The following DST variants were observed in gnomAD, a reference collection of about 807,000 sequenced individuals.
DST encodes dystonin.
A neutral mutation model predicts 875.2 loss-of-function variants in DST; 253 were observed. The ratio of observed to expected loss-of-function variants is 0.29; its 90% CI spans 0.26 to 0.32. The LOEUF (loss-of-function observed/expected upper bound fraction) is 0.32, where lower values mean the gene tolerates loss of function less well. DST is among the 10% of genes least tolerant of loss of function. The probability of loss-of-function intolerance (pLI) is 1.00; values close to 1 mark genes in which losing one functional copy is unlikely to be tolerated. For missense variants in DST, 8,287 were observed against 9,111.6 expected, an observed-to-expected ratio of 0.91 and a Z score of 3.68; for synonymous variants, 3,124 against 3,197.1, an observed-to-expected ratio of 0.98 and a Z score of 0.77.
intron 4 of DST, among the ~76,000 whole-genome samples, chr6:56,829,861 T>C (rs2099785020): frequency 6.6e-6 from 1 of 152,154 alleles, no homozygotes; most frequent in African/African-American, 2.4e-5. Context: ...TTGGCAATCA[T>C]TCATTTTCAT....
chr6:56,661,135 T>A (rs1423230849), intron 10 of DST, among the ~76,000 whole-genome samples: 2 of 151,964 alleles, frequency 1.3e-5, no homozygotes, highest in African/African-American at 4.8e-5. Flanking sequence ...TAAGGATAAA[T>A]ACACCCTCCC....
chr6:56,693,080 A>T, intron 9 of DST: 2 of 1,289,596 alleles, frequency 1.6e-6, no homozygotes, highest in Non-Finnish European at 2.0e-6. Context: ...TCAGGGTTCA[A>T]AGGAGTTTTG....
At chr6:56,624,440 G>A in intron 36 of DST, 90 bp downstream of exon 36, 1 of 830,828 alleles carries the variant, frequency 1.2e-6, no homozygotes, top group Admixed American at 1.7e-5. Context: ...AATTTATCAT[G>A]AAACATGTTT....
intron 4 of DST, among the ~76,000 whole-genome samples, chr6:56,800,711 CAAAAA>C (rs777455635): frequency 3.0e-4 from 46 of 151,542 alleles, no homozygotes; most frequent in Admixed American, 1.3e-4. Context: ...AAAATAAAAA[CAAAAA>C]AAATAAAAAC....
chr6:56,661,298 CAGAT>C (rs150053096), intron 10 of DST, among the ~76,000 whole-genome samples: 4,467 of 152,140 alleles, frequency 0.029, 79 homozygotes, highest in Non-Finnish European at 0.041. Context: ...CAAAGAAAAA[CAGAT>C]AGAGTTACAT....
intron 4 of DST, among the ~76,000 whole-genome samples, chr6:56,793,631 G>A (rs1158967013): frequency 6.6e-6 from 1 of 152,062 alleles, no homozygotes; most frequent in Non-Finnish European, 1.5e-5. Context: ...TTTTAATCTG[G>A]CTTTTTCTTA....
chr6:56,462,914 T>C lies in DST; in HGVS notation c.23070+132A>G, dbSNP rs575030016. 2.4e-5 allele frequency: 12 copies of C among 492,222 alleles called. No individual in the cohort carries two copies. The East Asian group carries it at 3.8e-4, about 16-fold the overall frequency. The allele number at this position is 492,222 out of a possible 1,614,324, so 30.5% of individuals were successfully genotyped here. On this transcript the variant is annotated intron_variant, in intron 102 of 103. Transcript: ENST00000680361. Reference sequence around the variant, plus strand: ...CCAAGAACTGCTCGGTTGATACTTATCTTATAGAAGTGTATAAAAAGACAT... The same window carrying C: ...CCAAGAACTGCTCGGTTGATACTTACCTTATAGAAGTGTATAAAAAGACAT...
At chr6:56,650,419 A>G (rs1222401693) in intron 12 of DST, among the ~76,000 whole-genome samples, 3 of 151,664 alleles carry the variant, frequency 2.0e-5, no homozygotes, top group East Asian at 3.9e-4. Context: ...GCTATGTGTC[A>G]GAGACCTTTC....
intron 4 of DST, among the ~76,000 whole-genome samples, chr6:56,799,606 T>C (rs2099744386): frequency 6.6e-6 from 1 of 151,572 alleles, no homozygotes. Context: ...AGGACATTTT[T>C]GTGTTTTTTG....
rs201943982 is a variant in DST, at chr6:56,817,245, CTAA to C, written c.625+34149_625+34151del. 9.1e-3 allele frequency among the ~76,000 whole-genome samples: 1,392 copies of C among 152,168 alleles called. 18 individuals are homozygous for C. The highest frequency in any genetic ancestry group is 0.031 in the African/African-American group (1,279 of 41,494). Reference sequence around the variant, plus strand: ...TGTCTCTTCAGGTAACCTTACTGATCTAATATTATAATTTTCTTAAATGAACAA... The same window carrying C: ...TGTCTCTTCAGGTAACCTTACTGATCTATTATAATTTTCTTAAATGAACAA... On this transcript the variant is annotated intron_variant, in intron 4 of 103. Transcript: ENST00000680361.
chr6:56,668,530 TA>T (rs2099083385), intron 10 of DST, among the ~76,000 whole-genome samples: 1 of 151,858 alleles, frequency 6.6e-6, no homozygotes, highest in African/African-American at 2.4e-5. Context: ...TCACCTGAGG[TA>T]AGGAGTTCAA....
chr6:56,577,068 T>A (rs996550847), intron 50 of DST, among the ~76,000 whole-genome samples: 1 of 152,218 alleles, frequency 6.6e-6, no homozygotes, highest in Admixed American at 6.5e-5. Flanking sequence ...GTTATTTTTT[T>A]AAATCATTGG....
At chr6:56,944,776 C>A (rs553055752) in intron 2 of DST, among the ~76,000 whole-genome samples, 3 of 152,332 alleles carry the variant, frequency 2.0e-5, no homozygotes, top group African/African-American at 7.2e-5. Context: ...CCTACCTCTA[C>A]TACAGACACT....
chr6:56,702,571 A>G (rs1403598936), intron 7 of DST, among the ~76,000 whole-genome samples: 1 of 152,218 alleles, frequency 6.6e-6, no homozygotes, highest in Non-Finnish European at 1.5e-5. Flanking sequence ...CTTTTTCACA[A>G]AAGTGGACAC....
At chr6:56,943,634 T>C (rs1817881652) in intron 2 of DST, among the ~76,000 whole-genome samples, 1 of 151,786 alleles carries the variant, frequency 6.6e-6, no homozygotes, top group Non-Finnish European at 1.5e-5. Context: ...GGTTTCTCTA[T>C]GTTGGTCAGG....
At chr6:56,723,426 T>A (rs948506766) in intron 5 of DST, among the ~76,000 whole-genome samples, 1 of 152,058 alleles carries the variant, frequency 6.6e-6, no homozygotes, top group African/African-American at 2.4e-5. Flanking sequence ...TAGCCGGGCG[T>A]GTTGGTGCAT....
chr6:56,591,186 A>C (rs1159658700), intron 49 of DST, among the ~76,000 whole-genome samples: 1 of 152,248 alleles, frequency 6.6e-6, no homozygotes, highest in Non-Finnish European at 1.5e-5. Context: ...TTTTAAAATA[A>C]GTTTTACATT....
intron 4 of DST, among the ~76,000 whole-genome samples, chr6:56,814,754 T>C (rs1561977228): frequency 6.6e-6 from 1 of 152,236 alleles, no homozygotes; most frequent in East Asian, 1.9e-4. Context: ...TCTAGAGGTA[T>C]ACTTCGTCAA....
intron 61 of DST, among the ~76,000 whole-genome samples, chr6:56,549,390 C>G (rs1281948258): frequency 6.6e-6 from 1 of 152,142 alleles, no homozygotes; most frequent in Admixed American, 6.5e-5. Flanking sequence ...TCACTCAATA[C>G]AAATCATTCC....
Sources: gnomAD v4.1 joint callset for allele counts (sites outside exome capture counted in the v4.1 genomes callset) on GRCh38, gnomAD v4.1.1 for gene constraint, MANE v1.5 for transcripts, NCBI Gene and HGNC (gene_info 2026-07-23, HGNC 2026-07-21) for gene names.